Variants in ROBO2 observed in about 807,000 individuals in gnomAD.
ROBO2 encodes the protein roundabout homolog 2.
ROBO2 carries 53 observed loss-of-function variants against 160.8 expected under a neutral mutation model. That is an observed-to-expected ratio of 0.33 (90% CI 0.26 to 0.41). The LOEUF is 0.41. Ranked by LOEUF, ROBO2 falls within the 10% of genes least tolerant of loss-of-function variation. ROBO2 has a pLI of 1.00. For synonymous variants in ROBO2, 664 were observed against 611.7 expected (o/e 1.09, Z -1.26); for missense variants, 1,577 against 1,722.4 (o/e 0.92, Z 1.49).
chr3:76,519,000 A>C (rs961767378), intron 2 of ROBO2, among the ~76,000 whole-genome samples: 1 of 152,200 alleles, frequency 6.6e-6, no homozygotes, highest in African/African-American at 2.4e-5. Context: ...GAGGGAATAA[A>C]ACTAACTCAT....
chr3:76,431,141 A>C (rs2076419802), intron 2 of ROBO2, among the ~76,000 whole-genome samples: 1 of 152,130 alleles, frequency 6.6e-6, no homozygotes, highest in South Asian at 2.1e-4. Flanking sequence ...AAAAGTTCAT[A>C]AAAAGATAAA....
chr3:77,193,510 C>A (rs533819429), intron 2 of ROBO2, among the ~76,000 whole-genome samples: 7 of 151,198 alleles, frequency 4.6e-5, no homozygotes, highest in Admixed American at 3.3e-4. Flanking sequence ...AGACTTCTAT[C>A]TAACCTCAAG....
chr3:77,610,447 A>C (rs1487042795), intron 21 of ROBO2, among the ~76,000 whole-genome samples: 1 of 152,128 alleles, frequency 6.6e-6, no homozygotes, highest in Non-Finnish European at 1.5e-5. Context: ...GGAAGAACTA[A>C]TAATCTCCCC....
chr3:76,404,599 C>A (rs1156418032), intron 2 of ROBO2, among the ~76,000 whole-genome samples: 1 of 150,908 alleles, frequency 6.6e-6, no homozygotes, highest in African/African-American at 2.4e-5. Flanking sequence ...TAGTTGCAAG[C>A]ATGAACATAA....
intron 2 of ROBO2, among the ~76,000 whole-genome samples, chr3:77,421,251 G>T (rs2077688894): frequency 1.3e-5 from 2 of 152,192 alleles, no homozygotes; most frequent in East Asian, 1.9e-4. Context: ...GTATTATGTG[G>T]TTTTTTAAAT....
rs541255121 is a variant in ROBO2, at chr3:76,196,755, C to G, written c.109+259153C>G. 7.9e-5 allele frequency among the ~76,000 whole-genome samples: 12 copies of G among 152,148 alleles called. No homozygotes were observed. In the South Asian group the frequency reaches 1.5e-3, roughly 18 times the overall value. On this transcript the variant is annotated intron_variant, in intron 2 of 26. Coordinates refer to the ROBO2 transcript ENST00000487694. ...AGATGTAAGGATGTTATTGTCATGT[C>G]TTTTTATTCTGCTCTTTTCCCAAGG... is the stretch of plus-strand genomic sequence containing the variant.
intron 2 of ROBO2, among the ~76,000 whole-genome samples, chr3:76,907,135 A>G (rs2075660841): frequency 6.6e-6 from 1 of 152,280 alleles, no homozygotes; most frequent in South Asian, 2.1e-4. Flanking sequence ...GAATGAATGG[A>G]TGGATGAGCA....
At chr3:77,465,175 A>G (rs548743437) in intron 2 of ROBO2, among the ~76,000 whole-genome samples, 1 of 152,266 alleles carries the variant, frequency 6.6e-6, no homozygotes, top group Middle Eastern at 3.4e-3. Context: ...TGCATGAAAA[A>G]AGCCAAAAAG....
chr3:75,992,632 A>G (rs532698118), intron 2 of ROBO2, among the ~76,000 whole-genome samples: 68 of 152,292 alleles, frequency 4.5e-4, no homozygotes, highest in African/African-American at 1.5e-3. Flanking sequence ...GACAACACCT[A>G]GTGGAGCTGT....
At position 77,577,474 on chromosome 3, in the gene ROBO2, A is replaced by G; in HGVS notation, c.2204-16A>G. The stretch of plus-strand genomic sequence containing the variant: ...AGGCTTATAGTTTGCATTTATTCTA[A>G]TTACTTCCTCTACAGCCCCAAGTGC... On this transcript the variant is annotated splice_polypyrimidine_tract_variant and intron_variant, in intron 14 of 25. Coordinates refer to ENST00000461745, the Ensembl canonical transcript of ROBO2. The G allele has an allele frequency of 6.2e-7, 1 of 1,613,168 alleles. No individual in the cohort carries two copies.
At chr3:77,329,667 T>C (rs905105915) in intron 2 of ROBO2, among the ~76,000 whole-genome samples, 1 of 152,226 alleles carries the variant, frequency 6.6e-6, no homozygotes, top group African/African-American at 2.4e-5. Context: ...TCCTGCCCTG[T>C]GCCTCACATT....
At chr3:76,642,701 A>G (rs2090758072) in intron 2 of ROBO2, among the ~76,000 whole-genome samples, 1 of 152,138 alleles carries the variant, frequency 6.6e-6, no homozygotes, top group Non-Finnish European at 1.5e-5. Context: ...ACAACATTAC[A>G]TAAAACATAA....
intron 17 of ROBO2, among the ~76,000 whole-genome samples, chr3:77,594,414 T>C (rs1206736297): frequency 3.3e-5 from 5 of 152,298 alleles, no homozygotes; most frequent in African/African-American, 1.2e-4. Context: ...GGCTTGAAAC[T>C]ATCGGCTGGA....
intron 2 of ROBO2, among the ~76,000 whole-genome samples, chr3:76,340,611 T>A (rs770507902): frequency 6.6e-6 from 1 of 152,158 alleles, no homozygotes; most frequent in African/African-American, 2.4e-5. Flanking sequence ...ACATTCTAGG[T>A]CACAAAGCAT....
At chr3:77,320,672 G>C (rs2153430940) in intron 2 of ROBO2, among the ~76,000 whole-genome samples, 1 of 152,062 alleles carries the variant, frequency 6.6e-6, no homozygotes, top group Admixed American at 6.6e-5. Flanking sequence ...GAGAGGACTT[G>C]TTGAACTACA....
chr3:77,298,501 A>C (rs1359216726), intron 2 of ROBO2, among the ~76,000 whole-genome samples: 1 of 152,150 alleles, frequency 6.6e-6, no homozygotes, highest in African/African-American at 2.4e-5. Flanking sequence ...TTGTATTCTT[A>C]GTCTGTCATG....
chr3:77,577,830 C>A (rs1401050866), intron 15 of ROBO2, among the ~76,000 whole-genome samples: 1 of 152,092 alleles, frequency 6.6e-6, no homozygotes, highest in Non-Finnish European at 1.5e-5. Context: ...AACAATTAAA[C>A]CACACCAGTG....
intron 2 of ROBO2, among the ~76,000 whole-genome samples, chr3:76,738,412 CT>C (rs1283592923): frequency 6.6e-6 from 1 of 152,088 alleles, no homozygotes; most frequent in Non-Finnish European, 1.5e-5. Flanking sequence ...TTGTGGGAGG[CT>C]TTTCTGAGCA....
chr3:77,156,111 A>T (rs2150569888), intron 2 of ROBO2, among the ~76,000 whole-genome samples: 1 of 152,042 alleles, frequency 6.6e-6, no homozygotes, highest in East Asian at 1.9e-4. Flanking sequence ...TTGTCTTAAA[A>T]TTTCTTCATC....
Sources: gnomAD v4.1 joint callset for allele counts (sites outside exome capture counted in the v4.1 genomes callset) on GRCh38, gnomAD v4.1.1 for gene constraint, MANE v1.5 for transcripts, NCBI Gene and HGNC (gene_info 2026-07-23, HGNC 2026-07-21) for gene names.